TTLL5: variants seen among roughly 807,000 people sequenced by gnomAD.
TTLL5 encodes tubulin tyrosine ligase like 5.
TTLL5 carries 132 observed loss-of-function variants against 168.4 expected under a neutral mutation model. That is an observed-to-expected ratio of 0.78 (90% CI 0.68 to 0.91). The LOEUF (loss-of-function observed/expected upper bound fraction) is 0.91. TTLL5 is among the 40% of genes least tolerant of loss of function. TTLL5 has a pLI of 0.00. For missense variants in TTLL5, 1,545 were observed against 1,581.5 expected (o/e 0.98, Z 0.39); for synonymous variants, 546 against 558.6 (o/e 0.98, Z 0.32).
chr14:75,761,686 A>G (rs755538338), intron 18 of TTLL5, among the ~76,000 whole-genome samples: 1 of 152,226 alleles, frequency 6.6e-6, no homozygotes, highest in Non-Finnish European at 1.5e-5. Flanking sequence ...ACGTTAGGGA[A>G]GGATTGACTG....
intron 12 of TTLL5, among the ~76,000 whole-genome samples, chr14:75,722,494 A>G (rs767179156): frequency 6.6e-5 from 10 of 151,810 alleles, no homozygotes; most frequent in Non-Finnish European, 1.0e-4. Context: ...CTCTTTTCCT[A>G]TCACATCATG....
At chr14:75,756,827 A>G (rs1473543865) in intron 18 of TTLL5, among the ~76,000 whole-genome samples, 1 of 152,098 alleles carries the variant, frequency 6.6e-6, no homozygotes, top group Admixed American at 6.5e-5. Flanking sequence ...AAGAGTGTTA[A>G]ATGAAAGGAA....
chr14:75,900,515 G>C (rs1042529092), intron 30 of TTLL5, among the ~76,000 whole-genome samples: 1 of 152,034 alleles, frequency 6.6e-6, no homozygotes, highest in African/African-American at 2.4e-5. Flanking sequence ...TGGGCACCTG[G>C]GGCACTGTCC....
At chr14:75,773,417 T>C (rs145463986) in intron 21 of TTLL5, among the ~76,000 whole-genome samples, 1 of 152,202 alleles carries the variant, frequency 6.6e-6, no homozygotes, top group South Asian at 2.1e-4. Flanking sequence ...CTGGAGTAAA[T>C]TGGCACCAAA....
At chr14:75,895,730 A>T (rs910812984) in intron 30 of TTLL5, among the ~76,000 whole-genome samples, 7 of 152,222 alleles carry the variant, frequency 4.6e-5, no homozygotes, top group African/African-American at 1.7e-4. Context: ...AGGATTAAAA[A>T]TAAGTGAGTT....
In TTLL5 at chr14:75,902,146, T is replaced by C. The variant is rs1209090186; in HGVS notation, c.3745T>C (p.Ser1249Pro). ...CCAAGCTCCTTTGTGTTTCAGAGGGTCCTCCGCGGAAGGGCAGCTGAATGG... is the reference window on the plus strand; with the variant it reads ...CCAAGCTCCTTTGTGTTTCAGAGGGCCCTCCGCGGAAGGGCAGCTGAATGG... ...RATSQKASKG[S>P]SAEGQLNGLQ... The change falls in exon 31 of 32, where the codon TCC becomes CCC. Residue 1249 changes from serine (S) to proline (P), a missense_variant. Ser to Pro is a moderately conservative substitution (Grantham distance 74). Coordinates refer to ENST00000298832, the MANE Select transcript of TTLL5 (RefSeq NM_015072.5). 6.2e-7 allele frequency: 1 copy of C among 1,614,048 alleles called. No homozygotes were observed. Among genetic ancestry groups the C allele is most frequent in the Middle Eastern group, 1.6e-4 (1 of 6,062 alleles).
chr14:75,707,199 CAT>C, intron 8 of TTLL5, 112 bp downstream of exon 8: 1 of 817,308 alleles, frequency 1.2e-6, no homozygotes, highest in Non-Finnish European at 2.0e-6. Context: ...AAATTCTTGA[CAT>C]GTGTGGCTCC....
At chr14:75,905,409 T>A (rs2033102520) in intron 31 of TTLL5, among the ~76,000 whole-genome samples, 1 of 152,244 alleles carries the variant, frequency 6.6e-6, no homozygotes, top group South Asian at 2.1e-4. Flanking sequence ...GAAAAACAAC[T>A]CAGAGTCCTT....
intron 31 of TTLL5, among the ~76,000 whole-genome samples, chr14:75,933,991 A>G (rs1047460330): frequency 2.0e-5 from 3 of 152,196 alleles, no homozygotes; most frequent in Non-Finnish European, 4.4e-5. Context: ...CACAACTGTG[A>G]GAAAATGAGT....
chr14:75,872,031 T>C (rs2031078762), intron 29 of TTLL5, among the ~76,000 whole-genome samples: 2 of 152,218 alleles, frequency 1.3e-5, no homozygotes, highest in South Asian at 2.1e-4. Flanking sequence ...TAATTTCTTA[T>C]AAGTACTAAC....
rs554348677 is a variant in TTLL5 at position 75,796,744 on chromosome 14, G to T, written c.3171+3644G>T. Among the ~76,000 whole-genome samples the T allele has an allele frequency of 2.0e-5, 3 of 152,140 alleles. No homozygotes were observed. In the South Asian group the frequency reaches 6.2e-4, roughly 32 times the overall value. On this transcript the variant is annotated intron_variant, in intron 27 of 31. Coordinates refer to ENST00000298832, the MANE Select transcript of TTLL5 (RefSeq NM_015072.5). ...AAGATCAGTTGGCTGTTAAGTATTTGACTTTATTTCTGGGTTTTCTATTCT... is the reference window on the plus strand; with the variant it reads ...AAGATCAGTTGGCTGTTAAGTATTTTACTTTATTTCTGGGTTTTCTATTCT...
At chr14:75,768,720 G>A (rs991975532) in intron 20 of TTLL5, among the ~76,000 whole-genome samples, 7 of 152,150 alleles carry the variant, frequency 4.6e-5, no homozygotes, top group South Asian at 2.1e-4. Context: ...AAGTTTAGCC[G>A]TTTATGCATG....
At chr14:75,855,790 G>T (rs146909551) in intron 28 of TTLL5, among the ~76,000 whole-genome samples, 2 of 152,294 alleles carry the variant, frequency 1.3e-5, no homozygotes, top group East Asian at 3.9e-4. Context: ...GTTTCTCCAG[G>T]TTAACCATCT....
intron 2 of TTLL5, among the ~76,000 whole-genome samples, chr14:75,667,206 CT>C (rs1243496478): frequency 3.9e-5 from 6 of 152,136 alleles, no homozygotes; most frequent in Non-Finnish European, 8.8e-5. Context: ...AGCTGTGTAT[CT>C]GTTGATTGTG....
intron 17 of TTLL5, among the ~76,000 whole-genome samples, chr14:75,749,951 CTAA>C (rs1308905244): frequency 3.3e-5 from 5 of 151,946 alleles, no homozygotes. Flanking sequence ...TACTTTATTC[CTAA>C]TAATAATCTT....
Position 75,826,860 on chromosome 14 carries a change from T to A in TTLL5, c.3326+6699T>A, listed in dbSNP as rs1193679378. Among the ~76,000 whole-genome samples, 3 of 152,130 alleles carry A rather than the reference T, an allele frequency of 2.0e-5. No individual in the cohort carries two copies. In the East Asian group the frequency reaches 5.8e-4, roughly 29 times the overall value. On this transcript the variant is annotated intron_variant, in intron 28 of 31. Transcript: ENST00000298832. ...AACATTGATGATCCATATTTAAAGC[T>A]TACCTAGTATTGACTCAACAAATTT...
At chr14:75,883,454 C>G (rs765752980) in intron 30 of TTLL5, among the ~76,000 whole-genome samples, 1 of 152,164 alleles carries the variant, frequency 6.6e-6, no homozygotes, top group Non-Finnish European at 1.5e-5. Flanking sequence ...TCTAGCAGCC[C>G]TTCTTCAGTT....
intron 6 of TTLL5, among the ~76,000 whole-genome samples, chr14:75,695,482 C>T (rs994206115): frequency 6.6e-6 from 1 of 152,178 alleles, no homozygotes; most frequent in African/African-American, 2.4e-5. Flanking sequence ...CATGTGATCT[C>T]TGTGACCCAC....
Position 75,681,902 on chromosome 14 carries a change from C to T in TTLL5, c.264+275C>T, listed in dbSNP as rs1406981052. On this transcript the variant is annotated intron_variant, in intron 4 of 31. Transcript: ENST00000298832. ...CCGTTGCCCATAAGGAATTGTCTGA[C>T]ACCCAATTAAGGTTCTTTGATTGCA... is the stretch of plus-strand genomic sequence containing the variant. Among the ~76,000 whole-genome samples, 3 of 152,092 alleles carry T rather than the reference C, an allele frequency of 2.0e-5. No homozygotes were observed. In the East Asian group the frequency reaches 5.8e-4, roughly 29 times the overall value.
Sources: gnomAD v4.1 joint callset for allele counts (sites outside exome capture counted in the v4.1 genomes callset) on GRCh38, gnomAD v4.1.1 for gene constraint, MANE v1.5 for transcripts, NCBI Gene and HGNC (gene_info 2026-07-23, HGNC 2026-07-21) for gene names.